Variants in GMDS observed in about 807,000 individuals in gnomAD.
GMDS encodes GDP-mannose 4,6 dehydratase.
GMDS carries 20 observed loss-of-function variants against 49.9 expected under a neutral mutation model. That is an observed-to-expected ratio of 0.40 (90% CI 0.28 to 0.58). The LOEUF is 0.58. Ranked by LOEUF, GMDS falls within the 20% of genes least tolerant of loss-of-function variation. The pLI is 0.42. For synonymous variants in GMDS, 177 were observed against 178.6 expected (o/e 0.99, Z 0.07); for missense variants, 362 against 481.4 (o/e 0.75, Z 2.32).
chr6:1,771,392 C>T (rs73427359), intron 7 of GMDS, among the ~76,000 whole-genome samples: 2,197 of 152,288 alleles, frequency 0.014, 52 homozygotes, highest in African/African-American at 0.049. Context: ...ATGACTGTGA[C>T]GCTGGCAAGT....
At chr6:1,737,568 C>A (rs1483210028) in intron 8 of GMDS, among the ~76,000 whole-genome samples, 3 of 144,458 alleles carry the variant, frequency 2.1e-5, no homozygotes, top group Admixed American at 6.9e-5. Context: ...ACACACACAC[C>A]ACACACACAA....
chr6:2,008,990 A>AC lies in GMDS; in HGVS notation c.346-48025_346-48024insG, dbSNP rs576033477. ...AAATAAAAACAGGAAGCAAGATGTT[A>AC]AGTGCTGTTATTACTGTCAGTATTT... On this transcript the variant is annotated intron_variant, in intron 4 of 10. Transcript: ENST00000380815. Among the ~76,000 whole-genome samples, 15 of 152,362 alleles carry AC rather than the reference A, an allele frequency of 9.8e-5. No individual in the cohort carries two copies. The East Asian group carries it at 2.9e-3, about 29-fold the overall frequency.
intron 1 of GMDS, among the ~76,000 whole-genome samples, chr6:2,237,352 G>A (rs2127599215): frequency 6.6e-6 from 1 of 152,202 alleles, no homozygotes; most frequent in African/African-American, 2.4e-5. Flanking sequence ...CTATCCTATA[G>A]GATTACCTTT....
chr6:1,900,016 T>C (rs1490975882), intron 7 of GMDS, among the ~76,000 whole-genome samples: 1 of 152,196 alleles, frequency 6.6e-6, no homozygotes, highest in Non-Finnish European at 1.5e-5. Context: ...CACCGTGTTG[T>C]TAGCTGCTGA....
At chr6:1,678,990 GA>G (rs1025325369) in intron 9 of GMDS, among the ~76,000 whole-genome samples, 5 of 152,168 alleles carry the variant, frequency 3.3e-5, no homozygotes, top group Admixed American at 1.3e-4. Flanking sequence ...CTGACTAAAT[GA>G]GTCCCATTTA....
chr6:1,815,303 A>G (rs1306205969), intron 7 of GMDS, among the ~76,000 whole-genome samples: 1 of 152,244 alleles, frequency 6.6e-6, no homozygotes, highest in Non-Finnish European at 1.5e-5. Context: ...CCAAGTTATT[A>G]TATGCAAATG....
Position 1,762,809 on chromosome 6 carries a change from A to AT in GMDS, c.772-20224dup, listed in dbSNP as rs540341865. Among the ~76,000 whole-genome samples, 210 of 152,348 alleles carry AT rather than the reference A, an allele frequency of 1.4e-3. 1 individual carries two copies. Among genetic ancestry groups the AT allele is most frequent in the Non-Finnish European group, 2.7e-3 (183 of 68,020 alleles). On this transcript the variant is annotated intron_variant, in intron 7 of 10. Transcript: ENST00000380815. ...ATTGTGGTTATTATTAAGGAAGAGT[A>AT]TTTAGAAAGTTTCAAACTGATAAAT...
intron 7 of GMDS, among the ~76,000 whole-genome samples, chr6:1,769,725 C>T (rs1009604515): frequency 3.3e-5 from 5 of 150,846 alleles, no homozygotes; most frequent in Non-Finnish European, 5.9e-5. Flanking sequence ...TTTTTTGAGA[C>T]GGAGTCTTGC....
At chr6:1,861,666 A>G (rs1758193333) in intron 7 of GMDS, among the ~76,000 whole-genome samples, 1 of 151,598 alleles carries the variant, frequency 6.6e-6, no homozygotes, top group Non-Finnish European at 1.5e-5. Context: ...GAGGTATCCC[A>G]TAGGTTACAG....
intron 4 of GMDS, among the ~76,000 whole-genome samples, chr6:1,982,275 T>C (rs1300134473): frequency 1.3e-5 from 2 of 152,160 alleles, no homozygotes; most frequent in African/African-American, 4.8e-5. Flanking sequence ...ACAGCCATTA[T>C]CATACTGAAT....
intron 7 of GMDS, among the ~76,000 whole-genome samples, chr6:1,870,925 G>T (rs1267855005): frequency 6.6e-6 from 1 of 152,116 alleles, no homozygotes; most frequent in African/African-American, 2.4e-5. Flanking sequence ...ATGCCAGATA[G>T]GTGTCTGGGT....
chr6:2,056,563 T>C (rs1202312254), intron 4 of GMDS, among the ~76,000 whole-genome samples: 1 of 152,130 alleles, frequency 6.6e-6, no homozygotes, highest in Non-Finnish European at 1.5e-5. Context: ...CAAGAGACCA[T>C]GGTTTTCAAC....
chr6:2,026,381 T>C (rs1455274214), intron 4 of GMDS, among the ~76,000 whole-genome samples: 2 of 152,232 alleles, frequency 1.3e-5, no homozygotes, highest in Non-Finnish European at 2.9e-5. Context: ...GAATGTGTCA[T>C]GGACTTAATG....
rs573770653 is a variant in GMDS, at chr6:1,657,048, G to A, written c.988-32508C>T. Among the ~76,000 whole-genome samples, 143 of 152,292 alleles carry A rather than the reference G, an allele frequency of 9.4e-4. 2 individuals carry two copies. Among genetic ancestry groups the A allele is most frequent in the Middle Eastern group, 3.4e-3 (1 of 294 alleles). On this transcript the variant is annotated intron_variant, in intron 9 of 10. Coordinates refer to ENST00000380815, the MANE Select transcript of GMDS (RefSeq NM_001500.4). ...CTGTCCACTTGCAGAGGGGCTCCTT[G>A]GTGTGGGGACAGCAAGAGGGTTTCT...
intron 7 of GMDS, among the ~76,000 whole-genome samples, chr6:1,898,606 A>G (rs1381781459): frequency 6.6e-6 from 1 of 152,206 alleles, no homozygotes; most frequent in Non-Finnish European, 1.5e-5. Flanking sequence ...TCCTGACCTC[A>G]CAGTCTAGCA....
chr6:2,015,030 A>G (rs569512898), intron 4 of GMDS, among the ~76,000 whole-genome samples: 1 of 152,162 alleles, frequency 6.6e-6, no homozygotes, highest in Non-Finnish European at 1.5e-5. Context: ...TTAAGAAGTA[A>G]GCACCCTACA....
chr6:1,961,975 G>A (rs977401067), intron 4 of GMDS, among the ~76,000 whole-genome samples: 3 of 152,104 alleles, frequency 2.0e-5, no homozygotes, highest in Non-Finnish European at 2.9e-5. Context: ...TGTGGCTGCC[G>A]GGAAATCAAA....
chr6:1,809,689 C>T (rs3800076), intron 7 of GMDS, among the ~76,000 whole-genome samples: 4,082 of 152,130 alleles, frequency 0.027, 157 homozygotes, highest in East Asian at 0.13. Context: ...GAACTAGTGA[C>T]AAAGAAGAGG....
intron 9 of GMDS, among the ~76,000 whole-genome samples, chr6:1,687,159 C>T (rs145998815): frequency 6.6e-6 from 1 of 152,268 alleles, no homozygotes; most frequent in East Asian, 1.9e-4. Flanking sequence ...ACATCAGTAA[C>T]CCCTTCAAGG....
Sources: gnomAD v4.1 joint callset for allele counts (sites outside exome capture counted in the v4.1 genomes callset) on GRCh38, gnomAD v4.1.1 for gene constraint, MANE v1.5 for transcripts, NCBI Gene and HGNC (gene_info 2026-07-23, HGNC 2026-07-21) for gene names.